Variants in ZNF521 observed in about 807,000 individuals in gnomAD.
ZNF521 encodes the protein zinc finger protein 521.
ZNF521 carries 14 observed loss-of-function variants against 105.5 expected under a neutral mutation model. That is an observed-to-expected ratio of 0.13 (90% CI 0.09 to 0.21). The LOEUF is 0.21. ZNF521 is among the 10% of genes least tolerant of loss of function. ZNF521 has a pLI of 1.00. For missense variants in ZNF521, 1,233 were observed against 1,629.7 expected (o/e 0.76, Z 4.19); for synonymous variants, 635 against 606.0 (o/e 1.05, Z -0.70).
intron 3 of ZNF521, among the ~76,000 whole-genome samples, chr18:25,285,698 T>TCTCTCA (rs1185535267): frequency 1.2e-4 from 17 of 147,104 alleles, no homozygotes; most frequent in South Asian, 1.1e-3. Context: ...TCTCTCTCTC[T>TCTCTCA]CACACACACA....
chr18:25,141,425 G>A (rs2034845327), intron 5 of ZNF521, among the ~76,000 whole-genome samples: 1 of 152,164 alleles, frequency 6.6e-6, no homozygotes, highest in Admixed American at 6.6e-5. Context: ...AATAGTCTTT[G>A]GAAGTTAGGG....
chr18:25,064,560 C>T (rs2033001632), intron 7 of ZNF521, among the ~76,000 whole-genome samples: 1 of 152,204 alleles, frequency 6.6e-6, no homozygotes. Context: ...ATCTACCTTG[C>T]TAAAGAGCTG....
intron 5 of ZNF521, among the ~76,000 whole-genome samples, chr18:25,102,506 A>C (rs1360711398): frequency 6.7e-6 from 1 of 149,000 alleles, no homozygotes; most frequent in Non-Finnish European, 1.5e-5. Context: ...GAAAATTGAG[A>C]CTATATATAT....
Position 25,119,316 on chromosome 18 carries a change from T to C in ZNF521, c.3659-27235A>G, listed in dbSNP as rs12605372. 0.021 allele frequency among the ~76,000 whole-genome samples: 3,122 copies of C among 152,222 alleles called. 305 individuals are homozygous for C. The East Asian group carries it at 0.31, about 15-fold the overall frequency. ...ATTTCAACAACACTCTCAACCACCT[T>C]GACCTAACTGATAGCTACAGAACAT... On this transcript the variant is annotated intron_variant, in intron 5 of 7. Coordinates refer to ENST00000361524, the MANE Select transcript of ZNF521 (RefSeq NM_015461.3).
intron 3 of ZNF521, among the ~76,000 whole-genome samples, chr18:25,274,071 T>C (rs1909877452): frequency 6.6e-6 from 1 of 152,178 alleles, no homozygotes; most frequent in African/African-American, 2.4e-5. Context: ...TTATCAGCTG[T>C]ATTTCTTCAC....
intron 2 of ZNF521, among the ~76,000 whole-genome samples, chr18:25,344,338 C>G (rs914794510): frequency 6.6e-6 from 1 of 151,964 alleles, no homozygotes; most frequent in Admixed American, 6.6e-5. Context: ...AATACTATAA[C>G]AGAGCTATTT....
intron 5 of ZNF521, among the ~76,000 whole-genome samples, chr18:25,128,060 TG>T (rs1241216027): frequency 1.3e-5 from 2 of 151,776 alleles, no homozygotes; most frequent in Non-Finnish European, 2.9e-5. Flanking sequence ...TGAACACAGA[TG>T]AAAAATATTC....
intron 5 of ZNF521, among the ~76,000 whole-genome samples, chr18:25,108,982 G>A (rs1339427375): frequency 2.0e-5 from 3 of 152,138 alleles, no homozygotes; most frequent in Non-Finnish European, 2.9e-5. Context: ...TAGATTCAGA[G>A]GGTACATGTG....
chr18:25,343,445 TG>T lies in ZNF521; in HGVS notation c.40+7461del, dbSNP rs200333987. Among the ~76,000 whole-genome samples the T allele has an allele frequency of 6.7e-3, 1,014 of 152,352 alleles. 13 individuals are homozygous for T. Among genetic ancestry groups the T allele is most frequent in the African/African-American group, 0.023 (957 of 41,582 alleles). ...TGTTTCCGTGTATATAGACTATGTA[TG>T]TGTGTGTCACAATATGTTGTGATAA... On this transcript the variant is annotated intron_variant, in intron 2 of 7. Coordinates refer to ENST00000361524, the MANE Select transcript of ZNF521 (RefSeq NM_015461.3).
At chr18:25,148,468 T>G (rs2034987067) in intron 5 of ZNF521, among the ~76,000 whole-genome samples, 1 of 152,194 alleles carries the variant, frequency 6.6e-6, no homozygotes, top group Non-Finnish European at 1.5e-5. Context: ...TCTGTTCTGT[T>G]CTTTTCCTTC....
intron 5 of ZNF521, among the ~76,000 whole-genome samples, chr18:25,152,013 C>A (rs2035056259): frequency 6.6e-6 from 1 of 152,144 alleles, no homozygotes; most frequent in Non-Finnish European, 1.5e-5. Flanking sequence ...ACATAGCATT[C>A]CACTGCCTAC....
intron 4 of ZNF521, among the ~76,000 whole-genome samples, chr18:25,213,038 C>G (rs953452153): frequency 6.6e-6 from 1 of 151,394 alleles, no homozygotes; most frequent in African/African-American, 2.4e-5. Context: ...TTCTAATACT[C>G]AAATTCATTT....
At chr18:25,347,485 CTT>C (rs1184921687) in intron 2 of ZNF521, among the ~76,000 whole-genome samples, 1 of 152,072 alleles carries the variant, frequency 6.6e-6, no homozygotes, top group Non-Finnish European at 1.5e-5. Flanking sequence ...AAAAGTGAAT[CTT>C]TTCGGTGTTT....
chr18:25,136,712 C>G (rs929684769), intron 5 of ZNF521: 1 of 152,116 alleles, frequency 6.6e-6, no homozygotes, highest in Non-Finnish European at 1.5e-5. Flanking sequence ...GGTGTGGGCA[C>G]CAGACGCCAG....
rs1465398204 is a variant in ZNF521 at position 25,331,192 on chromosome 18, A to G, written c.41-9005T>C. On this transcript the variant is annotated intron_variant, in intron 2 of 7. Coordinates refer to ENST00000361524, the MANE Select transcript of ZNF521 (RefSeq NM_015461.3). ...ACCAGCTTCTGTAGTTCCATGCTCA[A>G]TCTTAAACCGAGCCTCAAGGACTCC... is the stretch of plus-strand genomic sequence containing the variant. Among the ~76,000 whole-genome samples the G allele has an allele frequency of 2.6e-5, 4 of 152,200 alleles. No homozygotes were observed. The South Asian group carries it at 8.3e-4, about 31-fold the overall frequency.
At chr18:25,074,845 C>T (rs1471638417) in intron 7 of ZNF521, among the ~76,000 whole-genome samples, 1 of 152,106 alleles carries the variant, frequency 6.6e-6, no homozygotes, top group Non-Finnish European at 1.5e-5. Flanking sequence ...GTGCACAGAG[C>T]TACTGGAAAG....
At chr18:25,300,945 A>G (rs1402457448) in intron 3 of ZNF521, among the ~76,000 whole-genome samples, 1 of 152,212 alleles carries the variant, frequency 6.6e-6, no homozygotes, top group African/African-American at 2.4e-5. Flanking sequence ...AAGATGGATC[A>G]TCATTGCCTA....
At chr18:25,284,475 A>G (rs1266070849) in intron 3 of ZNF521, among the ~76,000 whole-genome samples, 1 of 152,222 alleles carries the variant, frequency 6.6e-6, no homozygotes, top group Non-Finnish European at 1.5e-5. Flanking sequence ...CAAAAAAATC[A>G]GCAAAGTCAT....
chr18:25,193,967 TATCA>T (rs145537717), intron 5 of ZNF521, among the ~76,000 whole-genome samples: 5,999 of 151,932 alleles, frequency 0.039, 174 homozygotes, highest in African/African-American at 0.082. Flanking sequence ...ATTGAAAAAT[TATCA>T]ATCAATTTTC....
Sources: allele counts gnomAD v4.1 joint callset (sites outside exome capture counted in the v4.1 genomes callset), GRCh38; gene constraint gnomAD v4.1.1; transcripts MANE v1.5; gene names NCBI Gene and HGNC (gene_info 2026-07-23, HGNC 2026-07-21).